The following KMT2C variants were observed in gnomAD, a reference collection of about 807,000 sequenced individuals.
The protein encoded by KMT2C is lysine methyltransferase 2C, also known as histone-lysine N-methyltransferase 2C.
In KMT2C, 88 loss-of-function variants were observed where a neutral mutation model predicts 507.9. That is an observed-to-expected ratio of 0.17 (90% confidence interval 0.15 to 0.21). KMT2C has a LOEUF of 0.21. Among genes scored for constraint, KMT2C ranks in the 10% least tolerant of loss-of-function variants. KMT2C has a pLI of 1.00. For missense variants in KMT2C, 4,954 were observed against 5,957.8 expected (o/e 0.83, Z 5.55); for synonymous variants, 2,049 against 2,080.8 (o/e 0.98, Z 0.42).
chr7:152,430,249 A>G (rs1231812779), intron 1 of KMT2C, among the ~76,000 whole-genome samples: 2 of 152,290 alleles, frequency 1.3e-5, no homozygotes, highest in Non-Finnish European at 2.9e-5. Context: ...TATCCTGCCA[A>G]CAAGTTCTCA....
At chr7:152,340,287 C>A (rs2096979528) in intron 2 of KMT2C, among the ~76,000 whole-genome samples, 2 of 151,952 alleles carry the variant, frequency 1.3e-5, no homozygotes, top group African/African-American at 4.8e-5. Flanking sequence ...CATCACCATG[C>A]CCAGCCTAAT....
At chr7:152,191,521 C>T (rs561466608) in intron 31 of KMT2C, among the ~76,000 whole-genome samples, 30 of 152,308 alleles carry the variant, frequency 2.0e-4, no homozygotes, top group Admixed American at 5.2e-4. Flanking sequence ...TACTTTTTAA[C>T]TTAGTCTCAA....
chr7:152,318,941 A>T (rs2096746834), intron 3 of KMT2C, among the ~76,000 whole-genome samples: 1 of 152,228 alleles, frequency 6.6e-6, no homozygotes, highest in African/African-American at 2.4e-5. Context: ...AATCTGAAAG[A>T]GATGGTTAAG....
At chr7:152,290,272 ATATATATATATATATATATATATTTT>A (rs1385842190) in intron 6 of KMT2C, among the ~76,000 whole-genome samples, 30 of 23,406 alleles carry the variant, frequency 1.3e-3, no homozygotes, top group Non-Finnish European at 1.5e-3. Context: ...ATATATATAT[ATATATATATATATATATATATATTTT>A]TTTTTTTTTT....
intron 34 of KMT2C, 126 bp downstream of exon 34, chr7:152,185,432 T>C (rs978706682): frequency 1.6e-6 from 1 of 621,394 alleles, no homozygotes; most frequent in Non-Finnish European, 2.8e-6. Flanking sequence ...AAAAATAAAG[T>C]TGCTTGTTGT....
intron 1 of KMT2C, among the ~76,000 whole-genome samples, chr7:152,361,299 G>A (rs1405372714): frequency 5.9e-5 from 9 of 152,138 alleles, no homozygotes; most frequent in East Asian, 3.8e-4. Flanking sequence ...GGTGGCTCAC[G>A]CCTGTAATCC....
intron 1 of KMT2C, among the ~76,000 whole-genome samples, chr7:152,388,805 A>C (rs189983212): frequency 6.6e-6 from 1 of 152,346 alleles, no homozygotes; most frequent in Admixed American, 6.5e-5. Context: ...CTGGAGTGCA[A>C]TGGCGTGATC....
intron 27 of KMT2C, among the ~76,000 whole-genome samples, chr7:152,198,311 A>G (rs565391741): frequency 5.3e-5 from 8 of 152,358 alleles, no homozygotes; most frequent in Non-Finnish European, 5.9e-5. Context: ...AAAAGTCAAA[A>G]TCAAAAATAG....
intron 6 of KMT2C, among the ~76,000 whole-genome samples, chr7:152,307,278 A>AAGGAAGGAAGGAAGGAAGGAAGGAAGG (rs2096628579): frequency 9.3e-6 from 1 of 107,390 alleles, no homozygotes; most frequent in African/African-American, 4.4e-5. Context: ...AGGAAGAAAG[A>AAGGAAGGAAGGAAGGAAGGAAGGAAGG]AAGGAAGGAA....
rs2095569103 is a variant in KMT2C, at chr7:152,251,942, T to C, written c.1618A>G (p.Thr540Ala). ...GEEVEIAELT[T>A]DYNNEMEVEG... Reference sequence around the variant, plus strand: ...AAAAAATCATTCTCAAATTTACCTGTAGTGAGCTCAGCTATCTCCACTTCC... The same window carrying C: ...AAAAAATCATTCTCAAATTTACCTGCAGTGAGCTCAGCTATCTCCACTTCC... Residue 540 changes from threonine to alanine, a missense_variant, in exon 11 of 59, where the codon ACA becomes GCA. Thr to Ala is a moderately conservative substitution (Grantham distance 58). Transcript: ENST00000262189. 1 of 1,594,734 alleles carries C rather than the reference T, an allele frequency of 6.3e-7. No homozygotes were observed.
intron 27 of KMT2C, among the ~76,000 whole-genome samples, chr7:152,198,036 CA>C (rs34621113): frequency 0.14 from 21,476 of 152,082 alleles, 3,811 homozygotes; most frequent in African/African-American, 0.41. Context: ...TTTAAGTCTT[CA>C]AAGTGGCTAG....
rs2093433540 is a variant in KMT2C at position 152,181,491 on chromosome 7, T to C, written c.6369A>G (p.Ser2123=). 3.7e-6 allele frequency: 6 copies of C among 1,613,914 alleles called. No homozygotes were observed. Among genetic ancestry groups the C allele is most frequent in the Non-Finnish European group, 5.1e-6 (6 of 1,179,942 alleles). Residue 2123 remains serine, a synonymous_variant, in exon 36 of 59, where the codon TCA becomes TCG. Coordinates refer to ENST00000262189, the MANE Select transcript of KMT2C (RefSeq NM_170606.3). ...AGTATGGGTCCTGAGATGTTGGCCTTGATATGGTTCCAGGCTGGGAAAAAG... is the reference window on the plus strand; with the variant it reads ...AGTATGGGTCCTGAGATGTTGGCCTCGATATGGTTCCAGGCTGGGAAAAAG... ...SRAFSQPGTI[S]RPTSQDPYSQ...
intron 34 of KMT2C, among the ~76,000 whole-genome samples, chr7:152,185,135 A>G (rs2093585048): frequency 6.6e-6 from 1 of 152,236 alleles, no homozygotes; most frequent in South Asian, 2.1e-4. Context: ...TCGTTGTTAC[A>G]TTGTTTTAAA....
intron 9 of KMT2C, among the ~76,000 whole-genome samples, chr7:152,254,266 T>C (rs1588621418): frequency 7.1e-6 from 1 of 140,000 alleles, no homozygotes; most frequent in South Asian, 2.1e-4. Context: ...TACATACACA[T>C]ATATTTTTTA....
intron 31 of KMT2C, among the ~76,000 whole-genome samples, chr7:152,193,058 G>A (rs1206724268): frequency 2.6e-5 from 4 of 152,112 alleles, no homozygotes; most frequent in South Asian, 2.1e-4. Flanking sequence ...GCCTGTGGTC[G>A]CAGCTGCATG....
chr7:152,428,727 G>A (rs1268115956), intron 1 of KMT2C, among the ~76,000 whole-genome samples: 1 of 152,038 alleles, frequency 6.6e-6, no homozygotes, highest in East Asian at 1.9e-4. Flanking sequence ...CCAGAATTCT[G>A]TATCAGTTTC....
intron 9 of KMT2C, among the ~76,000 whole-genome samples, chr7:152,255,766 GT>G (rs2129168864): frequency 6.6e-6 from 1 of 152,290 alleles, no homozygotes; most frequent in Non-Finnish European, 1.5e-5. Context: ...GGCAAAGACA[GT>G]CTTTTTAATG....
chr7:152,174,050 T>C, intron 39 of KMT2C, 81 bp downstream of exon 39: 2 of 757,130 alleles, frequency 2.6e-6, no homozygotes, highest in South Asian at 1.8e-5. Context: ...CTTTCCATTT[T>C]CTGTATGTTT....
At position 152,204,457 on chromosome 7, in the gene KMT2C, T is replaced by C. The variant is rs1328949654; in HGVS notation, c.3961+649A>G. On this transcript the variant is annotated intron_variant, in intron 25 of 58. Coordinates refer to ENST00000262189, the MANE Select transcript of KMT2C (RefSeq NM_170606.3). ...AAAAAGCCAAAAAATTAGCTAGGCA[T>C]GGTGGTGTGTGCCTGTGGTCTCCAG... is the stretch of plus-strand genomic sequence containing the variant. 2.6e-5 allele frequency among the ~76,000 whole-genome samples: 4 copies of C among 151,982 alleles called. No homozygotes were observed. The South Asian group carries it at 8.3e-4, about 32-fold the overall frequency.
Sources: gnomAD v4.1 joint callset for allele counts (sites outside exome capture counted in the v4.1 genomes callset) on GRCh38, gnomAD v4.1.1 for gene constraint, MANE v1.5 for transcripts, NCBI Gene and HGNC (gene_info 2026-07-23, HGNC 2026-07-21) for gene names.